The following PDE1B variants were observed in gnomAD, a reference collection of about 807,000 sequenced individuals.
PDE1B encodes the protein phosphodiesterase 1B.
In PDE1B, 13 loss-of-function variants were observed where a neutral mutation model predicts 66.7. That is an observed-to-expected ratio of 0.19 (90% CI 0.13 to 0.31). PDE1B has a LOEUF of 0.31. Ranked by LOEUF, PDE1B falls within the 10% of genes least tolerant of loss-of-function variation. PDE1B has a pLI of 1.00. For missense variants in PDE1B, 485 were observed against 682.3 expected, an observed-to-expected ratio of 0.71 and a Z score of 3.22; for synonymous variants, 230 against 253.9, an observed-to-expected ratio of 0.91 and a Z score of 0.90.
intron 2 of PDE1B, among the ~76,000 whole-genome samples, chr12:54,551,192 T>C (rs1957273033): frequency 6.6e-6 from 1 of 152,220 alleles, no homozygotes; most frequent in Non-Finnish European, 1.5e-5. Context: ...GCTTATGTTG[T>C]ATTGTTCTTT....
intron 2 of PDE1B, among the ~76,000 whole-genome samples, chr12:54,555,402 A>G (rs1474923866): frequency 6.6e-6 from 1 of 152,212 alleles, no homozygotes. Flanking sequence ...GTGGTTTGAA[A>G]AAAGACAGAG....
At chr12:54,559,070 C>A (rs1774646130) in intron 2 of PDE1B, among the ~76,000 whole-genome samples, 1 of 152,124 alleles carries the variant, frequency 6.6e-6, no homozygotes, top group Non-Finnish European at 1.5e-5. Flanking sequence ...TTAGTTTTTT[C>A]TTTTCAACTG....
intron 6 of PDE1B, chr12:54,571,057 G>C (rs2121131899): frequency 6.6e-6 from 1 of 152,426 alleles, no homozygotes; most frequent in African/African-American, 2.4e-5. Flanking sequence ...TCAGCACTTT[G>C]GGGAGCAGTA....
chr12:54,575,388 C>CATTTCATTTGCATAT lies in PDE1B; in HGVS notation c.1186-147_1186-133dup, dbSNP rs1287003444. On this transcript the variant is annotated intron_variant, in intron 11 of 15. Transcript: ENST00000243052. The surrounding 1 kb of genome is among the most constrained non-coding windows in gnomAD (Gnocchi z 4.0). ...TATCCTAAAAGCCTAACAATAGTTG[C>CATTTCATTTGCATAT]ATTTCATTTGCATATATTTCATTTG... The CATTTCATTTGCATAT allele has an allele frequency of 2.2e-5, 17 of 773,056 alleles. No individual in the cohort carries two copies. In the African/African-American group the frequency reaches 2.6e-4, roughly 12 times the overall value. 47.9% of individuals were successfully genotyped at this position (773,056 alleles called of 1,614,324 possible).
chr12:54,557,553 G>A (rs1957357368), intron 2 of PDE1B, among the ~76,000 whole-genome samples: 2 of 152,202 alleles, frequency 1.3e-5, no homozygotes. Flanking sequence ...AGGAGGAACA[G>A]ATCCCCAGAG....
chr12:54,550,372 G>C (rs4759090), intron 2 of PDE1B, among the ~76,000 whole-genome samples: 98,201 of 152,208 alleles, frequency 0.65, 33,804 homozygotes, highest in Middle Eastern at 0.81. Flanking sequence ...TGACATGTGT[G>C]TGCATGAGTG....
chr12:54,572,763 C>G (rs1033157301), intron 7 of PDE1B, 22 bp downstream of exon 7: 8 of 1,610,912 alleles, frequency 5.0e-6, no homozygotes, highest in Non-Finnish European at 6.8e-6. Flanking sequence ...GGAGATGATT[C>G]TTCTGTGATT....
rs1957724537 is a variant in PDE1B at position 54,575,599 on chromosome 12, C to T, written c.1234C>T (p.Arg412Cys). 1 of 1,613,064 alleles carries T rather than the reference C, an allele frequency of 6.2e-7. No homozygotes were observed. The highest frequency in any genetic ancestry group is 8.5e-7 in the Non-Finnish European group (1 of 1,179,372). The change falls in exon 12 of 16, where the codon CGC becomes TGC. Residue 412 changes from arginine (R) to cysteine (C), a missense_variant. Around this residue, in one of 4 missense-constraint regions of PDE1B, gnomAD observed 282 missense variants for 453.4 expected, o/e 0.62. Transcript: ENST00000243052. The surrounding 1 kb of genome is among the most constrained non-coding windows in gnomAD (Gnocchi z 4.0). ...CCTGCCCTTTTCTCCACTCTGTGACCGCACTTCCACTCTAGTGGCACAGTC... is the reference window on the plus strand; with the variant it reads ...CCTGCCCTTTTCTCCACTCTGTGACTGCACTTCCACTCTAGTGGCACAGTC... ...LGLPFSPLCD[R>C]TSTLVAQSQI...
At chr12:54,553,463 T>C (rs918479505) in intron 2 of PDE1B, among the ~76,000 whole-genome samples, 1 of 152,316 alleles carries the variant, frequency 6.6e-6, no homozygotes. Flanking sequence ...TGGTTCAAGG[T>C]CATTATAGAT....
At chr12:54,565,794 C>A (rs145693526) in intron 2 of PDE1B, among the ~76,000 whole-genome samples, 2 of 152,162 alleles carry the variant, frequency 1.3e-5, no homozygotes, top group Admixed American at 1.3e-4. Flanking sequence ...GCTGCCGAGA[C>A]CCCGGGATTC....
chr12:54,570,267 C>T lies in PDE1B; in HGVS notation c.504C>T (p.Val168=). 6.2e-7 allele frequency: 1 copy of T among 1,612,778 alleles called. No individual in the cohort carries two copies. Among genetic ancestry groups the T allele is most frequent in the Non-Finnish European group, 8.5e-7 (1 of 1,178,792 alleles). The part of the protein sequence containing the change: ...LKNLDLWCFD[V]FSLNQAADDH... ...ACCTGGATCTCTGGTGCTTTGATGTCTTTTCCTTGAACCAGGCAGCAGATG... is the reference window on the plus strand; with the variant it reads ...ACCTGGATCTCTGGTGCTTTGATGTTTTTTCCTTGAACCAGGCAGCAGATG... The change falls in exon 6 of 16, where the codon GTC becomes GTT. Residue 168 remains valine (V), a synonymous_variant. Transcript: ENST00000243052.
At chr12:54,552,231 A>T (rs1194855436) in intron 2 of PDE1B, among the ~76,000 whole-genome samples, 1 of 152,124 alleles carries the variant, frequency 6.6e-6, no homozygotes, top group Non-Finnish European at 1.5e-5. Flanking sequence ...GGAGTTTCCC[A>T]ACCCTCTCAA....
Position 54,578,372 on chromosome 12 carries a change from G to C in PDE1B, c.*530G>C, listed in dbSNP as rs953419911. The C allele has an allele frequency of 6.6e-6, 1 of 152,198 alleles. No homozygotes were observed. Among genetic ancestry groups the C allele is most frequent in the East Asian group, 1.9e-4 (1 of 5,172 alleles). 9.4% of individuals were successfully genotyped at this position (152,198 alleles called of 1,614,324 possible). A position where few individuals can be genotyped will look rare whatever the true frequency, so the allele number is the denominator to read the frequency against. ...TTTTCAGAGCCCTATGTGTGGGGAG[G>C]GGAGTGGATTCCTTCAGGGCATGGT... On this transcript the variant is annotated 3_prime_UTR_variant, in exon 16 of 16. Coordinates refer to ENST00000243052, the MANE Select transcript of PDE1B (RefSeq NM_000924.4).
At position 54,573,370 on chromosome 12, in the gene PDE1B, C is replaced by A; in HGVS notation, c.852C>A (p.Ile284=). The A allele has an allele frequency of 1.2e-6, 2 of 1,614,088 alleles. No homozygotes were observed. The highest frequency in any genetic ancestry group is 1.7e-6 in the Non-Finnish European group (2 of 1,180,008). The part of the protein sequence containing the change: ...FHIQTKSECA[I]VYNDRSVLEN... ...GGCTTTGTAGGTCAGAATGTGCCAT[C>A]GTGTACAATGATCGTTCAGTGCTGG... Residue 284 remains isoleucine (I), a synonymous_variant, in exon 9 of 16, where the codon ATC becomes ATA. Coordinates refer to ENST00000243052, the MANE Select transcript of PDE1B (RefSeq NM_000924.4). This position sits in a 1 kb window ranked among gnomAD's most constrained non-coding sequence, Gnocchi z 5.2.
intron 2 of PDE1B, among the ~76,000 whole-genome samples, chr12:54,560,776 T>C (rs543469493): frequency 1.3e-5 from 2 of 152,232 alleles, no homozygotes; most frequent in African/African-American, 2.4e-5. Context: ...TCTGAGCCGA[T>C]TGACCTCTCT....
chr12:54,550,774 C>T (rs923680745), intron 2 of PDE1B, among the ~76,000 whole-genome samples: 10 of 152,058 alleles, frequency 6.6e-5, no homozygotes, highest in African/African-American at 2.2e-4. Flanking sequence ...TGTTGCAGTA[C>T]CAGGGCATGT....
In PDE1B at chr12:54,576,052, G is replaced by A. The variant is rs1420119126; in HGVS notation, c.1328G>A (p.Ser443Asn). 1 of 1,614,102 alleles carries A rather than the reference G, an allele frequency of 6.2e-7. No homozygotes were observed. The highest frequency in any genetic ancestry group is 1.6e-4 in the Middle Eastern group (1 of 6,062). ...GTGCTGACTGACGTGGCAGAGAAGAGTGTTCAGCCCCTGGCGGATGAGGAC... is the reference window on the plus strand; with the variant it reads ...GTGCTGACTGACGTGGCAGAGAAGAATGTTCAGCCCCTGGCGGATGAGGAC... Reference protein sequence around the residue: ...FSVLTDVAEKSVQPLADEDSK... With the variant: ...FSVLTDVAEKNVQPLADEDSK... Residue 443 changes from serine to asparagine, a missense_variant, in exon 13 of 16, where the codon AGT (serine) becomes AAT (asparagine). Transcript: ENST00000243052.
Position 54,573,925 on chromosome 12 carries a change from T to C in PDE1B, c.1064+216T>C, listed in dbSNP as rs1957674861. ...TGTGTGTGTGTGTCCTTACGTTTAC[T>C]CACAGCCTTGGCAGCTGATCCACTG... On this transcript the variant is annotated intron_variant, in intron 10 of 15. Transcript: ENST00000243052. The surrounding 1 kb of genome is among the most constrained non-coding windows in gnomAD (Gnocchi z 5.2). The C allele has an allele frequency of 9.1e-6, 5 of 551,594 alleles. No homozygotes were observed. The highest frequency in any genetic ancestry group is 1.6e-5 in the Non-Finnish European group (5 of 309,462). The allele number at this position is 551,594 out of a possible 1,614,324, so 34.2% of individuals were successfully genotyped here.
rs367888276 is a variant in PDE1B, at chr12:54,576,883, G to C, written c.1507+182G>C. 1.4e-4 allele frequency: 95 copies of C among 661,658 alleles called. 2 individuals carry two copies. The highest frequency in any genetic ancestry group is 1.2e-3 in the South Asian group (62 of 52,170). The allele number at this position is 661,658 out of a possible 1,614,324, so 41.0% of individuals were successfully genotyped here. On this transcript the variant is annotated intron_variant, in intron 14 of 15. Coordinates refer to ENST00000243052, the MANE Select transcript of PDE1B (RefSeq NM_000924.4). ...GGCTGAGTGGCCTGGAATGTTCTAA[G>C]AATGGGGGCCGTAGAGATGATAGAG...
Sources: allele counts gnomAD v4.1 joint callset (sites outside exome capture counted in the v4.1 genomes callset), GRCh38; gene constraint gnomAD v4.1.1; regional missense constraint gnomAD v4.1.1; non-coding constraint Gnocchi (gnomAD v3.1); transcripts MANE v1.5; gene names NCBI Gene and HGNC (gene_info 2026-07-23, HGNC 2026-07-21).